PDCD10: variants seen among roughly 807,000 people sequenced by gnomAD.
PDCD10 encodes programmed cell death 10, also known as programmed cell death protein 10.
PDCD10 carries 4 observed loss-of-function variants against 29.2 expected under a neutral mutation model. The observed-to-expected ratio is 0.14, with a 90% CI of 0.07 to 0.31. The LOEUF is 0.31. PDCD10 is among the 10% of genes least tolerant of loss of function. The probability of loss-of-function intolerance (pLI) is 1.00; values close to 1 mark genes in which losing one functional copy is unlikely to be tolerated. For synonymous variants in PDCD10, 70 were observed against 82.2 expected, an observed-to-expected ratio of 0.85 and a Z score of 0.80; for missense variants, 183 against 257.9, an observed-to-expected ratio of 0.71 and a Z score of 1.99.
intron 3 of PDCD10, among the ~76,000 whole-genome samples, chr3:167,712,234 G>A (rs1216696142): frequency 6.6e-6 from 1 of 151,972 alleles, no homozygotes; most frequent in Non-Finnish European, 1.5e-5. Flanking sequence ...GACGTAAAGA[G>A]AAACAACAAA....
chr3:167,701,456 A>C (rs1721422007), intron 4 of PDCD10, among the ~76,000 whole-genome samples: 2 of 152,154 alleles, frequency 1.3e-5, no homozygotes, highest in African/African-American at 2.4e-5. Context: ...AGCCTCCCAA[A>C]GTGCTAGGAT....
At chr3:167,690,185 C>T (rs1469623524) in intron 6 of PDCD10, among the ~76,000 whole-genome samples, 1 of 152,182 alleles carries the variant, frequency 6.6e-6, no homozygotes, top group Non-Finnish European at 1.5e-5. Flanking sequence ...AACCTAATAG[C>T]GCAGCTTTGC....
At chr3:167,715,215 T>C (rs184491652) in intron 3 of PDCD10, among the ~76,000 whole-genome samples, 2 of 151,924 alleles carry the variant, frequency 1.3e-5, no homozygotes, top group Admixed American at 6.6e-5. Flanking sequence ...TATTCCTATG[T>C]AGAAGAATGA....
chr3:167,733,776 G>C (rs895417347), intron 2 of PDCD10, among the ~76,000 whole-genome samples: 1 of 152,056 alleles, frequency 6.6e-6, no homozygotes, highest in African/African-American at 2.4e-5. Flanking sequence ...TTCTTCTAAG[G>C]ATGGGATATA....
At chr3:167,702,774 T>G (rs1304229069) in intron 4 of PDCD10, among the ~76,000 whole-genome samples, 1 of 152,208 alleles carries the variant, frequency 6.6e-6, no homozygotes, top group Non-Finnish European at 1.5e-5. Flanking sequence ...AAAGTTGTAA[T>G]TTAAAAAATA....
intron 2 of PDCD10, chr3:167,730,610 T>C (rs1422873290): frequency 1.3e-5 from 2 of 152,154 alleles, no homozygotes; most frequent in Non-Finnish European, 2.9e-5. Flanking sequence ...AATCTCTTTT[T>C]GACAAGATCT....
intron 8 of PDCD10, among the ~76,000 whole-genome samples, chr3:167,685,484 A>G (rs1334181963): frequency 6.6e-6 from 1 of 151,940 alleles, no homozygotes; most frequent in Non-Finnish European, 1.5e-5. Flanking sequence ...AAGATGGCCT[A>G]AAGATCAGGT....
intron 3 of PDCD10, among the ~76,000 whole-genome samples, chr3:167,712,275 G>C (rs978605185): frequency 1.1e-4 from 17 of 151,986 alleles, no homozygotes; most frequent in African/African-American, 3.9e-4. Context: ...GAAGTATAGA[G>C]ATTTTATTAG....
At chr3:167,702,154 T>C (rs1216815010) in intron 4 of PDCD10, among the ~76,000 whole-genome samples, 1 of 152,112 alleles carries the variant, frequency 6.6e-6, no homozygotes, top group Non-Finnish European at 1.5e-5. Context: ...AGCAAATAAG[T>C]CAGAAATTAA....
intron 3 of PDCD10, among the ~76,000 whole-genome samples, chr3:167,706,463 C>T (rs1486470790): frequency 6.6e-6 from 1 of 152,244 alleles, no homozygotes; most frequent in Non-Finnish European, 1.5e-5. Flanking sequence ...CTGTATGATA[C>T]AGCCTACTGT....
At chr3:167,686,457 C>T (rs1276938732) in intron 8 of PDCD10, among the ~76,000 whole-genome samples, 1 of 152,120 alleles carries the variant, frequency 6.6e-6, no homozygotes, top group Non-Finnish European at 1.5e-5. Flanking sequence ...GACTCCACTC[C>T]CAGCCAACTG....
intron 2 of PDCD10, among the ~76,000 whole-genome samples, chr3:167,722,032 A>G (rs1723620255): frequency 6.6e-6 from 1 of 152,148 alleles, no homozygotes; most frequent in African/African-American, 2.4e-5. Flanking sequence ...CTGCTTTTCC[A>G]CTTCAAAATA....
At position 167,734,365 on chromosome 3, in the gene PDCD10, C is replaced by A. The variant is rs549007984; in HGVS notation, c.-253-15G>T. On this transcript the variant is annotated splice_polypyrimidine_tract_variant and intron_variant, in intron 1 of 8. Coordinates refer to ENST00000392750, the MANE Select transcript of PDCD10 (RefSeq NM_007217.4). ...GCTCCTCTTCCCTCAAAGGGCATAA[C>A]CCGAGTCACCCCCAAGAGCCGACTC... 1 of 152,574 alleles carries A rather than the reference C, an allele frequency of 6.6e-6. No homozygotes were observed. The highest frequency in any genetic ancestry group is 2.4e-5 in the African/African-American group (1 of 41,470). 9.5% of individuals were successfully genotyped at this position (152,574 alleles called of 1,614,324 possible).
At chr3:167,695,210 T>C (rs1720678537) in intron 6 of PDCD10, among the ~76,000 whole-genome samples, 1 of 152,218 alleles carries the variant, frequency 6.6e-6, no homozygotes, top group Admixed American at 6.5e-5. Flanking sequence ...AAAACACTAC[T>C]CATGCCTAAG....
At chr3:167,722,329 G>A (rs924275414) in intron 2 of PDCD10, among the ~76,000 whole-genome samples, 5 of 152,112 alleles carry the variant, frequency 3.3e-5, no homozygotes, top group African/African-American at 7.2e-5. Context: ...AGACAAGACA[G>A]TCTCTGACCC....
intron 2 of PDCD10, among the ~76,000 whole-genome samples, chr3:167,729,952 A>C (rs1482710368): frequency 6.6e-6 from 1 of 152,168 alleles, no homozygotes; most frequent in Non-Finnish European, 1.5e-5. Flanking sequence ...TCAACTGTAT[A>C]AGAATGAAAC....
At chr3:167,697,964 T>C (rs915853508) in intron 4 of PDCD10, 41 of 456,730 alleles carry the variant, frequency 9.0e-5, no homozygotes, top group African/African-American at 7.2e-4. Flanking sequence ...CTGATGATTT[T>C]CTTTCCTTTT....
intron 4 of PDCD10, among the ~76,000 whole-genome samples, chr3:167,699,197 T>C (rs1234866871): frequency 1.3e-5 from 2 of 152,222 alleles, no homozygotes; most frequent in Admixed American, 1.3e-4. Context: ...CTTGCAGATA[T>C]ATTTTTTTCT....
intron 2 of PDCD10, chr3:167,725,467 G>C (rs182190475): frequency 6.6e-6 from 1 of 151,892 alleles, no homozygotes; most frequent in Admixed American, 6.6e-5. Flanking sequence ...AGATTTAGAG[G>C]AGAAAGCTAG....
Sources: allele counts gnomAD v4.1 joint callset (sites outside exome capture counted in the v4.1 genomes callset), GRCh38; gene constraint gnomAD v4.1.1; transcripts MANE v1.5; gene names NCBI Gene and HGNC (gene_info 2026-07-23, HGNC 2026-07-21).